The following RSPO2 variants were observed in gnomAD, a reference collection of about 807,000 sequenced individuals.
The protein encoded by RSPO2 is R-spondin 2.
Under a neutral mutation model 30.9 loss-of-function variants are expected in RSPO2, and 14 were observed. The observed-to-expected ratio is 0.45, with a 90% CI of 0.30 to 0.71. The LOEUF (loss-of-function observed/expected upper bound fraction) is 0.71, where lower values mean the gene tolerates loss of function less well. Among genes scored for constraint, RSPO2 ranks in the 30% least tolerant of loss-of-function variants. The pLI, the probability that RSPO2 is intolerant of heterozygous loss-of-function variation, is 0.08. For synonymous variants in RSPO2, 107 were observed against 96.4 expected, an observed-to-expected ratio of 1.11 and a Z score of -0.64; for missense variants, 264 against 301.9, an observed-to-expected ratio of 0.87 and a Z score of 0.93.
chr8:107,995,442 G>T (rs1160059484), intron 2 of RSPO2, among the ~76,000 whole-genome samples: 2 of 151,966 alleles, frequency 1.3e-5, no homozygotes, highest in Non-Finnish European at 2.9e-5. Flanking sequence ...TACCTGTTGG[G>T]TCATAACTTG....
chr8:108,044,597 T>A (rs1474136391), intron 2 of RSPO2, among the ~76,000 whole-genome samples: 2 of 152,342 alleles, frequency 1.3e-5, no homozygotes, highest in Non-Finnish European at 2.9e-5. Context: ...CATATTTTCT[T>A]TATTCAATTC....
chr8:108,059,329 A>G (rs1812370365), intron 2 of RSPO2, among the ~76,000 whole-genome samples: 2 of 151,918 alleles, frequency 1.3e-5, no homozygotes, highest in South Asian at 4.1e-4. Context: ...TTAGAATGGC[A>G]ATCATTAAAA....
chr8:107,934,406 C>T (rs1362919990), intron 5 of RSPO2, among the ~76,000 whole-genome samples: 13 of 146,978 alleles, frequency 8.8e-5, no homozygotes, highest in Admixed American at 2.7e-4. Flanking sequence ...GAGTTTCACT[C>T]TTGTTGCCCA....
chr8:107,938,001 TC>T (rs1812774422), intron 5 of RSPO2, among the ~76,000 whole-genome samples: 1 of 151,982 alleles, frequency 6.6e-6, no homozygotes, highest in Non-Finnish European at 1.5e-5. Flanking sequence ...CACAATAATA[TC>T]CTTGAAATGA....
intron 2 of RSPO2, among the ~76,000 whole-genome samples, chr8:108,033,500 G>A (rs1426553889): frequency 1.3e-5 from 2 of 152,182 alleles, no homozygotes; most frequent in Non-Finnish European, 2.9e-5. Flanking sequence ...CAGGTGCCAT[G>A]TCTTTTTCAA....
At chr8:107,986,821 C>T (rs968789723) in intron 3 of RSPO2, among the ~76,000 whole-genome samples, 2 of 152,156 alleles carry the variant, frequency 1.3e-5, no homozygotes, top group Non-Finnish European at 2.9e-5. Context: ...CAAACCACCA[C>T]CCCCGCCATA....
intron 2 of RSPO2, among the ~76,000 whole-genome samples, chr8:108,057,718 C>T (rs905924934): frequency 2.6e-5 from 4 of 152,134 alleles, no homozygotes; most frequent in African/African-American, 4.8e-5. Context: ...AGAATCTTTT[C>T]ATTTGTAAAA....
chr8:108,068,758 T>C (rs997523812), intron 2 of RSPO2, among the ~76,000 whole-genome samples: 7 of 152,210 alleles, frequency 4.6e-5, no homozygotes, highest in Admixed American at 1.3e-4. Context: ...ATTGGAATTC[T>C]ACTGTTACAA....
Position 108,027,573 on chromosome 8 carries a change from A to AT in RSPO2, c.95-38330dup, listed in dbSNP as rs202049939. Among the ~76,000 whole-genome samples the AT allele has an allele frequency of 3.5e-3, 532 of 152,120 alleles. 2 individuals are homozygous for AT. Among genetic ancestry groups the AT allele is most frequent in the African/African-American group, 0.012 (512 of 41,516 alleles). On this transcript the variant is annotated intron_variant, in intron 2 of 5. Transcript: ENST00000276659. ...GAAAATACAAGAGCAAAGTATTTAT[A>AT]TTTTTTTTAAAAAAGTTCAATTATA...
intron 5 of RSPO2, among the ~76,000 whole-genome samples, chr8:107,917,297 C>T: frequency 6.6e-6 from 1 of 152,020 alleles, no homozygotes; most frequent in East Asian, 1.9e-4. Flanking sequence ...CCAGGTTGGC[C>T]AACATGGTGA....
intron 5 of RSPO2, among the ~76,000 whole-genome samples, chr8:107,933,918 A>G (rs1017211206): frequency 6.6e-6 from 1 of 152,134 alleles, no homozygotes; most frequent in Non-Finnish European, 1.5e-5. Context: ...TAAAATAACC[A>G]CATTTTTAAT....
At chr8:107,921,778 TG>T (rs1812182622) in intron 5 of RSPO2, among the ~76,000 whole-genome samples, 1 of 152,164 alleles carries the variant, frequency 6.6e-6, no homozygotes. Flanking sequence ...CTTTTATCAT[TG>T]GGATGCAAGG....
chr8:108,009,574 A>C (rs943960963), intron 2 of RSPO2, among the ~76,000 whole-genome samples: 1 of 152,230 alleles, frequency 6.6e-6, no homozygotes, highest in African/African-American at 2.4e-5. Context: ...TTAACTGATA[A>C]TTTTAAAATT....
At chr8:107,930,342 A>G (rs778089867) in intron 5 of RSPO2, among the ~76,000 whole-genome samples, 29 of 152,226 alleles carry the variant, frequency 1.9e-4, no homozygotes, top group Non-Finnish European at 3.8e-4. Flanking sequence ...AGGGTTAGCA[A>G]TAAAGTAGAA....
At chr8:107,976,095 C>T (rs1002367831) in intron 3 of RSPO2, among the ~76,000 whole-genome samples, 2 of 152,180 alleles carry the variant, frequency 1.3e-5, no homozygotes, top group African/African-American at 2.4e-5. Flanking sequence ...AGGAAAGGTC[C>T]CTTTTCAATT....
chr8:107,907,478 T>C (rs1391394354), intron 5 of RSPO2, among the ~76,000 whole-genome samples: 1 of 152,102 alleles, frequency 6.6e-6, no homozygotes, highest in Non-Finnish European at 1.5e-5. Flanking sequence ...GCTGAGAGTT[T>C]ACTTGAATGT....
chr8:107,993,176 G>T (rs1035530996), intron 2 of RSPO2, among the ~76,000 whole-genome samples: 1 of 152,150 alleles, frequency 6.6e-6, no homozygotes, highest in Admixed American at 6.5e-5. Flanking sequence ...CGCATTATCA[G>T]TGAGGAAGAC....
intron 2 of RSPO2, among the ~76,000 whole-genome samples, chr8:108,041,737 T>C (rs895697074): frequency 2.6e-5 from 4 of 152,080 alleles, no homozygotes; most frequent in East Asian, 1.9e-4. Context: ...AGAGTCACTA[T>C]TGGGGAAATG....
intron 2 of RSPO2, among the ~76,000 whole-genome samples, chr8:108,077,482 T>C (rs1813049976): frequency 6.6e-6 from 1 of 152,102 alleles, no homozygotes; most frequent in Admixed American, 6.5e-5. Context: ...TCTCATTCTC[T>C]CCCTGCCACC....
Sources: gnomAD v4.1 joint callset for allele counts (sites outside exome capture counted in the v4.1 genomes callset) on GRCh38, gnomAD v4.1.1 for gene constraint, MANE v1.5 for transcripts, NCBI Gene and HGNC (gene_info 2026-07-23, HGNC 2026-07-21) for gene names.